The following UBXN11 variants were observed in gnomAD, a reference collection of about 807,000 sequenced individuals.
UBXN11 encodes the protein UBX domain protein 11.
Under a neutral mutation model 62.8 loss-of-function variants are expected in UBXN11, and 47 were observed. The observed-to-expected ratio is 0.75, with a 90% CI of 0.59 to 0.95. The LOEUF is 0.95. Ranked by LOEUF, UBXN11 falls within the 40% of genes least tolerant of loss-of-function variation. UBXN11 has a pLI of 0.00. For missense variants in UBXN11, 638 were observed against 661.7 expected (o/e 0.96, Z 0.39); for synonymous variants, 294 against 267.0 (o/e 1.10, Z -0.99).
rs532579357 is a variant in UBXN11 at position 26,293,790 on chromosome 1, G to A, written c.559+415C>T. ...GCCCACAGAACCAGGTGGATTCCAA[G>A]GGCCATAAGCAAACCTGGAGAGGGA... On this transcript the variant is annotated intron_variant, in intron 8 of 14. Coordinates refer to ENST00000374222, the MANE Select transcript of UBXN11 (RefSeq NM_001389556.1). Among the ~76,000 whole-genome samples the A allele has an allele frequency of 1.2e-3, 172 of 148,140 alleles. 1 individual carries two copies. The highest frequency in any genetic ancestry group is 7.0e-3 in the South Asian group (33 of 4,716).
At chr1:26,288,029 A>G (rs2073171855) in intron 8 of UBXN11, among the ~76,000 whole-genome samples, 1 of 151,776 alleles carries the variant, frequency 6.6e-6, no homozygotes, top group Non-Finnish European at 1.5e-5. Flanking sequence ...CAGCCTCCCA[A>G]GTAGCTTGGA....
intron 1 of UBXN11, among the ~76,000 whole-genome samples, chr1:26,315,959 CCTTT>C (rs901677616): frequency 4.6e-5 from 2 of 43,822 alleles, no homozygotes; most frequent in African/African-American, 1.7e-4. Flanking sequence ...TGTTTCCTGG[CCTTT>C]TTTTTTTTTT....
intron 8 of UBXN11, among the ~76,000 whole-genome samples, chr1:26,291,669 G>T (rs953978242): frequency 6.6e-6 from 1 of 152,208 alleles, no homozygotes; most frequent in Non-Finnish European, 1.5e-5. Flanking sequence ...AGGGCCCAGG[G>T]TGCGGCACTT....
At chr1:26,284,917 C>T (rs1280123879) in intron 10 of UBXN11, 2 of 1,004,174 alleles carry the variant, frequency 2.0e-6, no homozygotes, top group African/African-American at 1.7e-5. Flanking sequence ...CGTCATGACT[C>T]ATGCTGTTTC....
chr1:26,317,908 C>T (rs41285347), intron 1 of UBXN11: 145,879 of 923,260 alleles, frequency 0.16, 12,404 homozygotes, highest in Middle Eastern at 0.19. Context: ...TACCTCACCC[C>T]GCCTCCTCTG....
chr1:26,285,866 A>G lies in UBXN11; in HGVS notation c.731T>C (p.Met244Thr). ...PLKLYRNGIM[M>T]FDGPFQPFYD... ...GAAGGGCTGGAAGGGCCCGTCGAAC[A>G]TCATGATGCCATTCCGGTAGAGCTT... The change falls in exon 9 of 15, where the codon ATG (methionine) becomes ACG (threonine). Residue 244 changes from methionine (M) to threonine (T), a missense_variant. By Grantham distance (81) the Met-to-Thr change is moderately conservative. Transcript: ENST00000374222. 1 of 1,611,856 alleles carries G rather than the reference A, an allele frequency of 6.2e-7. No individual in the cohort carries two copies. The highest frequency in any genetic ancestry group is 8.5e-7 in the Non-Finnish European group (1 of 1,178,128).
intron 8 of UBXN11, among the ~76,000 whole-genome samples, chr1:26,292,583 C>T (rs2073295165): frequency 6.6e-6 from 1 of 151,866 alleles, no homozygotes; most frequent in Admixed American, 6.6e-5. Flanking sequence ...TGGCTGGGCG[C>T]GGTGGCTCAC....
Position 26,285,814 on chromosome 1 carries a change from C to G in UBXN11, c.774+9G>C. On this transcript the variant is annotated intron_variant, in intron 9 of 14. Coordinates refer to ENST00000374222, the MANE Select transcript of UBXN11 (RefSeq NM_001389556.1). ...ACTAGAGCACCACCCCCCCCAACAC[C>G]GCTCCTACCTGTGTGGAGGGATCGT... The G allele has an allele frequency of 6.3e-7, 1 of 1,586,900 alleles. No homozygotes were observed. Among genetic ancestry groups the G allele is most frequent in the East Asian group, 2.3e-5 (1 of 44,162 alleles).
At chr1:26,289,829 T>C (rs3924325) in intron 8 of UBXN11, among the ~76,000 whole-genome samples, 21,523 of 152,222 alleles carry the variant, frequency 0.14, 1,720 homozygotes, top group Middle Eastern at 0.2. Flanking sequence ...CCGCCCTCCA[T>C]GTGCCTGCCC....
upstream of UBXN11, chr1:26,306,834 G>GGGGGGGGGGGGGGGGGGTTT (rs2073681653): frequency 2.5e-5 from 1 of 40,110 alleles, no homozygotes; most frequent in Non-Finnish European, 8.6e-5. Context: ...CGGGGTGGGG[G>GGGGGGGGGGGGGGGGGGTTT]GGGGGGGTGG....
At chr1:26,287,323 A>G (rs754255679) in intron 8 of UBXN11, among the ~76,000 whole-genome samples, 1 of 152,122 alleles carries the variant, frequency 6.6e-6, no homozygotes, top group African/African-American at 2.4e-5. Flanking sequence ...CGTGTGGCGC[A>G]TACAGCTGTG....
Position 26,297,003 on chromosome 1 carries a change from G to T in UBXN11, c.356-8C>A, listed in dbSNP as rs777157040. On this transcript the variant is annotated splice_polypyrimidine_tract_variant and splice_region_variant and intron_variant, in intron 6 of 14. Transcript: ENST00000374222. ...GCTGCAGGGTTGCCTCGGCTTCAGG[G>T]AAAGACAGGGACAGGCTTCAGCTGC... The T allele has an allele frequency of 1.3e-6, 2 of 1,597,056 alleles. No individual in the cohort carries two copies. Among genetic ancestry groups the T allele is most frequent in the African/African-American group, 2.7e-5 (2 of 74,696 alleles).
intron 8 of UBXN11, among the ~76,000 whole-genome samples, chr1:26,293,680 G>A (rs1489822650): frequency 7.4e-6 from 1 of 134,454 alleles, no homozygotes; most frequent in Admixed American, 8.3e-5. Flanking sequence ...GAGCCAAATC[G>A]TGCCACTGCA....
rs780262736 is a variant in UBXN11 at position 26,282,447 on chromosome 1, C to A, written c.1415G>T (p.Arg472Leu). Residue 472 changes from arginine (R) to leucine (L), a missense_variant, in exon 15 of 15, where the codon CGC becomes CTC. Physicochemically the swap from Arg to Leu is moderately radical, Grantham distance 102 (BLOSUM62 -2). Coordinates refer to ENST00000374222, the MANE Select transcript of UBXN11 (RefSeq NM_001389556.1). ...VPKAALLLRA[R>L]RAPKSSLKFS... The stretch of plus-strand genomic sequence containing the variant: ...TTTCAGGCTGGACTTCGGGGCTCGG[C>A]GTGCCCGCAGCAGCAGTGCTGCTTT... 3.1e-6 allele frequency: 5 copies of A among 1,611,406 alleles called. No individual in the cohort carries two copies. The highest frequency in any genetic ancestry group is 4.2e-6 in the Non-Finnish European group (5 of 1,179,272).
chr1:26,289,670 C>T (rs2073212281), intron 8 of UBXN11, among the ~76,000 whole-genome samples: 1 of 152,152 alleles, frequency 6.6e-6, no homozygotes, highest in Non-Finnish European at 1.5e-5. Flanking sequence ...GTGAAGAAGA[C>T]GGGGCGGCAA....
intron 5 of UBXN11, among the ~76,000 whole-genome samples, 158 bp from the exon 6 acceptor site, chr1:26,297,639 G>A (rs566195245): frequency 3.3e-5 from 5 of 152,276 alleles, no homozygotes; most frequent in Admixed American, 2.0e-4. Context: ...GATAACCCTC[G>A]CAGTTCCTCT....
chr1:26,291,896 G>C lies in UBXN11; in HGVS notation c.559+2309C>G, dbSNP rs1032403811. The stretch of plus-strand genomic sequence containing the variant: ...TTCCTAGCATCATAGGGACTGCACA[G>C]CCCCCAGCTTTGCTGTGTCCCAAGT... On this transcript the variant is annotated intron_variant, in intron 8 of 14. Coordinates refer to ENST00000374222, the MANE Select transcript of UBXN11 (RefSeq NM_001389556.1). 3.9e-5 allele frequency among the ~76,000 whole-genome samples: 6 copies of C among 152,314 alleles called. No individual in the cohort carries two copies. The East Asian group carries it at 1.2e-3, about 29-fold the overall frequency.
At chr1:26,299,602 G>C (rs1043482458) in intron 4 of UBXN11, among the ~76,000 whole-genome samples, 3 of 152,140 alleles carry the variant, frequency 2.0e-5, no homozygotes, top group Admixed American at 2.0e-4. Context: ...AGGGTAATGG[G>C]AGGGCAGCAG....
At chr1:26,289,753 C>T (rs2073214652) in intron 8 of UBXN11, among the ~76,000 whole-genome samples, 1 of 152,204 alleles carries the variant, frequency 6.6e-6, no homozygotes, top group Non-Finnish European at 1.5e-5. Flanking sequence ...CCCTACCATG[C>T]TCAGTGGAGA....
Sources: gnomAD v4.1 joint callset for allele counts (sites outside exome capture counted in the v4.1 genomes callset) on GRCh38, gnomAD v4.1.1 for gene constraint, MANE v1.5 for transcripts, NCBI Gene and HGNC (gene_info 2026-07-23, HGNC 2026-07-21) for gene names.